Variants in TBC1D23 observed in about 807,000 individuals in gnomAD.
TBC1D23 encodes the protein TBC1 domain family member 23.
In TBC1D23, 55 loss-of-function variants were observed where a neutral mutation model predicts 91.4. The observed-to-expected ratio is 0.60, with a 90% CI of 0.48 to 0.75. The LOEUF (loss-of-function observed/expected upper bound fraction) is 0.75, where lower values mean the gene tolerates loss of function less well. Ranked by LOEUF, TBC1D23 falls within the 30% of genes least tolerant of loss-of-function variation. TBC1D23 has a pLI of 0.00. For missense variants in TBC1D23, 725 were observed against 836.1 expected (o/e 0.87, Z 1.64); for synonymous variants, 289 against 281.0 (o/e 1.03, Z -0.28).
intron 16 of TBC1D23, 137 bp from the exon 17 acceptor site, chr3:100,318,932 C>T (rs766587234): frequency 1.3e-5 from 7 of 524,228 alleles, no homozygotes; most frequent in Non-Finnish European, 2.0e-5. Flanking sequence ...TGATTGCAGG[C>T]GTGAGTCACT....
In TBC1D23 at chr3:100,279,776, A is replaced by G. The variant is rs765974256; in HGVS notation, c.165+16A>G. On this transcript the variant is annotated intron_variant, in intron 2 of 18. Coordinates refer to ENST00000394144, the MANE Select transcript of TBC1D23 (RefSeq NM_001199198.3). The stretch of plus-strand genomic sequence containing the variant: ...AGTTTGGAAGGTAACTAGAAACTAA[A>G]ATGAATAAAATGTAATCACTGAAGA... 65 of 1,407,592 alleles carry G rather than the reference A, an allele frequency of 4.6e-5. No individual in the cohort carries two copies. The highest frequency in any genetic ancestry group is 6.1e-5 in the Non-Finnish European group (62 of 1,008,770). The allele number at this position is 1,407,592 out of a possible 1,614,324, so 87.2% of individuals were successfully genotyped here.
At chr3:100,286,722 C>G (rs955014328) in intron 4 of TBC1D23, among the ~76,000 whole-genome samples, 2 of 152,124 alleles carry the variant, frequency 1.3e-5, no homozygotes, top group African/African-American at 4.8e-5. Context: ...TCTTGAACTT[C>G]TGACCTCAAG....
intron 9 of TBC1D23, 47 bp downstream of exon 9, chr3:100,298,092 A>G: frequency 6.4e-7 from 1 of 1,552,324 alleles, no homozygotes; most frequent in Non-Finnish European, 8.8e-7. Flanking sequence ...CATTTTAAAT[A>G]CAAGGAACCA....
chr3:100,313,575 TTAA>T (rs1705668900), intron 15 of TBC1D23, among the ~76,000 whole-genome samples: 1 of 152,120 alleles, frequency 6.6e-6, no homozygotes, highest in African/African-American at 2.4e-5. Flanking sequence ...TGATTAACAA[TTAA>T]TAATTTGTTT....
rs1210936624 is a variant in TBC1D23 at position 100,324,681 on chromosome 3, T to G, written c.*1013T>G. The G allele has an allele frequency of 6.6e-6, 1 of 152,234 alleles. No homozygotes were observed. Among genetic ancestry groups the G allele is most frequent in the Non-Finnish European group, 1.5e-5 (1 of 68,020 alleles). The allele number at this position is 152,234 out of a possible 1,614,324, so 9.4% of individuals were successfully genotyped here. ...ATTAGTTTTGGACACATTGTCTTAATGTACTGAAAATTGCTCTGCTGTATT... is the reference window on the plus strand; with the variant it reads ...ATTAGTTTTGGACACATTGTCTTAAGGTACTGAAAATTGCTCTGCTGTATT... On this transcript the variant is annotated 3_prime_UTR_variant, in exon 19 of 19. Transcript: ENST00000394144.
At chr3:100,287,216 G>A (rs771474397) in intron 4 of TBC1D23, among the ~76,000 whole-genome samples, 4 of 152,092 alleles carry the variant, frequency 2.6e-5, no homozygotes, top group Non-Finnish European at 5.9e-5. Flanking sequence ...AAGCTCAAGC[G>A]ATTCTCCTGC....
In TBC1D23 at chr3:100,310,315, A is replaced by G. The variant is rs189134247; in HGVS notation, c.1414-88A>G. The G allele has an allele frequency of 3.1e-3, 3,668 of 1,187,034 alleles. 20 individuals are homozygous for G. Among genetic ancestry groups the G allele is most frequent in the Non-Finnish European group, 3.3e-3 (2,783 of 842,326 alleles). The allele number at this position is 1,187,034 out of a possible 1,614,324, so 73.5% of individuals were successfully genotyped here. On this transcript the variant is annotated intron_variant, in intron 13 of 18. Transcript: ENST00000394144. ...AACATATGATTTTGGTGGGATTGCA[A>G]TTCAGTCTATAACATGTAGATAACC...
intron 1 of TBC1D23, among the ~76,000 whole-genome samples, chr3:100,268,949 G>A (rs2067579042): frequency 6.6e-6 from 1 of 152,106 alleles, no homozygotes; most frequent in Non-Finnish European, 1.5e-5. Context: ...AACGTTTTTT[G>A]TGTATCTTTT....
chr3:100,315,827 A>G, intron 15 of TBC1D23: 2 of 440,576 alleles, frequency 4.5e-6, no homozygotes, highest in East Asian at 7.9e-5. Flanking sequence ...ATTGGTTTTA[A>G]TATGGATATT....
intron 1 of TBC1D23, among the ~76,000 whole-genome samples, chr3:100,263,041 CTT>C (rs1331130389): frequency 6.6e-6 from 1 of 152,148 alleles, no homozygotes; most frequent in African/African-American, 2.4e-5. Flanking sequence ...ACCAAACAGA[CTT>C]TGTGTGAGCA....
chr3:100,315,794 C>G (rs527699343), intron 15 of TBC1D23: 1 of 317,730 alleles, frequency 3.1e-6, no homozygotes, highest in Non-Finnish European at 5.9e-6. Flanking sequence ...AAATAACTTC[C>G]GCAAGGCCAA....
intron 1 of TBC1D23, among the ~76,000 whole-genome samples, chr3:100,273,748 T>G (rs890995705): frequency 1.3e-5 from 2 of 152,102 alleles, no homozygotes; most frequent in Non-Finnish European, 2.9e-5. Flanking sequence ...TCAATAAACC[T>G]GACATAAGTA....
intron 5 of TBC1D23, among the ~76,000 whole-genome samples, chr3:100,292,124 A>T (rs1452570481): frequency 2.6e-5 from 4 of 152,046 alleles, no homozygotes; most frequent in African/African-American, 9.7e-5. Flanking sequence ...TCTATTGTTC[A>T]TTTTCGAGGG....
At chr3:100,263,414 A>G (rs2067530842) in intron 1 of TBC1D23, among the ~76,000 whole-genome samples, 1 of 152,210 alleles carries the variant, frequency 6.6e-6, no homozygotes, top group Non-Finnish European at 1.5e-5. Context: ...TGCAAGTCAC[A>G]GGGGATGCGA....
chr3:100,300,723 C>T (rs1355051941), intron 10 of TBC1D23, among the ~76,000 whole-genome samples: 2 of 152,016 alleles, frequency 1.3e-5, no homozygotes, highest in Non-Finnish European at 2.9e-5. Flanking sequence ...TGGTCTCAAA[C>T]TCCCAGCTTC....
chr3:100,300,583 C>T (rs548887217), intron 10 of TBC1D23, among the ~76,000 whole-genome samples: 1 of 149,280 alleles, frequency 6.7e-6, no homozygotes, highest in African/African-American at 2.5e-5. Context: ...CTCACTGCAA[C>T]CTCAGCCTCC....
chr3:100,299,979 A>G (rs182150203), intron 10 of TBC1D23, among the ~76,000 whole-genome samples: 205 of 152,320 alleles, frequency 1.3e-3, no homozygotes, highest in Non-Finnish European at 2.4e-3. Flanking sequence ...ATCAGCTCTT[A>G]CTGTAATTGA....
rs745498066 is a variant in TBC1D23, at chr3:100,310,576, G to C, written c.1553+34G>C. 3.9e-6 allele frequency: 6 copies of C among 1,533,534 alleles called. No individual in the cohort carries two copies. The Admixed American group carries it at 1.0e-4, about 26-fold the overall frequency. The allele number at this position is 1,533,534 out of a possible 1,614,324, so 95.0% of individuals were successfully genotyped here. ...TTTATACAGTATGAGTTTATGATGAGTAATTAAAACTAAAGAAACAATGTC... is the reference window on the plus strand; with the variant it reads ...TTTATACAGTATGAGTTTATGATGACTAATTAAAACTAAAGAAACAATGTC... On this transcript the variant is annotated intron_variant, in intron 14 of 18. Coordinates refer to ENST00000394144, the MANE Select transcript of TBC1D23 (RefSeq NM_001199198.3).
chr3:100,298,708 TA>T lies in TBC1D23; in HGVS notation c.1000-530del, dbSNP rs1223321756. Among the ~76,000 whole-genome samples the T allele has an allele frequency of 5.3e-5, 8 of 152,350 alleles. No homozygotes were observed. The East Asian group carries it at 1.3e-3, about 26-fold the overall frequency. On this transcript the variant is annotated intron_variant, in intron 9 of 18. Transcript: ENST00000394144. ...AAATACAAGCATCTCACTTTTTTCTTATTCAAACTAATATTTAAAAACAAAT... is the reference window on the plus strand; with the variant it reads ...AAATACAAGCATCTCACTTTTTTCTTTTCAAACTAATATTTAAAAACAAAT...
Sources: allele counts gnomAD v4.1 joint callset (sites outside exome capture counted in the v4.1 genomes callset), GRCh38; gene constraint gnomAD v4.1.1; transcripts MANE v1.5; gene names NCBI Gene and HGNC (gene_info 2026-07-23, HGNC 2026-07-21).